Variants in COL19A1 observed in about 807,000 individuals in gnomAD.
COL19A1 encodes the protein collagen type XIX alpha 1 chain.
Under a neutral mutation model 190.2 loss-of-function variants are expected in COL19A1, and 159 were observed. The observed-to-expected ratio is 0.84, with a 90% CI of 0.73 to 0.95. COL19A1 has a LOEUF of 0.95. Ranked by LOEUF, COL19A1 falls within the 40% of genes least tolerant of loss-of-function variation. The pLI, the probability that COL19A1 is intolerant of heterozygous loss-of-function variation, is 0.00. For missense variants in COL19A1, 1,418 were observed against 1,431.9 expected, an observed-to-expected ratio of 0.99 and a Z score of 0.16; for synonymous variants, 509 against 458.9, an observed-to-expected ratio of 1.11 and a Z score of -1.39.
chr6:70,134,511 A>C (rs978575123), intron 18 of COL19A1, among the ~76,000 whole-genome samples: 18 of 152,190 alleles, frequency 1.2e-4, no homozygotes, highest in Non-Finnish European at 1.9e-4. Flanking sequence ...TCAGAGAAAA[A>C]ATAAGCTACA....
chr6:70,170,358 T>C (rs550214618), intron 40 of COL19A1, among the ~76,000 whole-genome samples: 59 of 152,268 alleles, frequency 3.9e-4, no homozygotes, highest in Admixed American at 8.5e-4. Context: ...GAGAAGTCTT[T>C]TTGAGGTTGG....
intron 4 of COL19A1, among the ~76,000 whole-genome samples, chr6:69,927,138 C>G (rs1296175534): frequency 6.6e-6 from 1 of 151,968 alleles, no homozygotes; most frequent in Non-Finnish European, 1.5e-5. Flanking sequence ...TGAAAGGAAA[C>G]TAGACAGTAA....
chr6:69,951,062 A>T (rs1299750822), intron 9 of COL19A1, among the ~76,000 whole-genome samples: 2 of 151,880 alleles, frequency 1.3e-5, no homozygotes, highest in African/African-American at 4.8e-5. Context: ...TTTGCCCTAA[A>T]ATGTTTATTT....
intron 6 of COL19A1, among the ~76,000 whole-genome samples, chr6:69,932,150 T>A (rs1772799298): frequency 1.3e-5 from 2 of 151,982 alleles, no homozygotes; most frequent in Admixed American, 1.3e-4. Context: ...GAACTACAGT[T>A]AATTTCATGT....
intron 47 of COL19A1, among the ~76,000 whole-genome samples, chr6:70,189,969 A>G (rs1270814738): frequency 6.6e-6 from 1 of 152,244 alleles, no homozygotes; most frequent in South Asian, 2.1e-4. Flanking sequence ...GGCTACTAAC[A>G]TCATGTTTAT....
At chr6:70,173,700 GA>G (rs1197507398) in intron 41 of COL19A1, among the ~76,000 whole-genome samples, 2 of 151,864 alleles carry the variant, frequency 1.3e-5, no homozygotes, top group Non-Finnish European at 2.9e-5. Flanking sequence ...AGAGAACGAG[GA>G]AAAAAAATAG....
intron 16 of COL19A1, among the ~76,000 whole-genome samples, chr6:70,120,580 T>C (rs1157275799): frequency 2.0e-5 from 3 of 152,158 alleles, no homozygotes; most frequent in Non-Finnish European, 4.4e-5. Flanking sequence ...GCATGAAAAA[T>C]ATATAATGCC....
intron 3 of COL19A1, 143 bp downstream of exon 3, chr6:69,899,165 ATTTTT>A: frequency 2.1e-5 from 9 of 425,846 alleles, no homozygotes; most frequent in Admixed American, 3.9e-5. Context: ...ATTCTTTTTA[ATTTTT>A]TTTTTTTTTT....
At chr6:69,877,119 T>C (rs1768176139) in intron 1 of COL19A1, among the ~76,000 whole-genome samples, 1 of 152,236 alleles carries the variant, frequency 6.6e-6, no homozygotes, top group Non-Finnish European at 1.5e-5. Flanking sequence ...AATTCTTTTA[T>C]ATTTGACTCT....
chr6:69,917,882 T>A (rs911509417), intron 4 of COL19A1, among the ~76,000 whole-genome samples: 4 of 152,198 alleles, frequency 2.6e-5, no homozygotes, highest in Non-Finnish European at 5.9e-5. Flanking sequence ...AACTTTGTGT[T>A]TGGGCTGCTT....
At position 69,971,923 on chromosome 6, in the gene COL19A1, T is replaced by G. The variant is rs74633094; in HGVS notation, c.1026+9053T>G. Among the ~76,000 whole-genome samples the G allele has an allele frequency of 5.5e-3, 833 of 152,332 alleles. 19 individuals are homozygous for G. In the East Asian group the frequency reaches 0.068, roughly 13 times the overall value. On this transcript the variant is annotated intron_variant, in intron 11 of 50. Coordinates refer to ENST00000620364, the MANE Select transcript of COL19A1 (RefSeq NM_001858.6). ...ATGCATCTTTACAAAACTATTCATG[T>G]GGCTTCTATTTTAAAAACATTTTAG...
chr6:69,962,934 A>G, intron 11 of COL19A1, 64 bp downstream of exon 11: 1 of 1,369,206 alleles, frequency 7.3e-7, no homozygotes, highest in South Asian at 1.3e-5. Flanking sequence ...GTTTTGAAAT[A>G]AAATATTTAA....
chr6:69,931,627 T>G (rs1772764039), intron 6 of COL19A1, among the ~76,000 whole-genome samples: 1 of 152,194 alleles, frequency 6.6e-6, no homozygotes, highest in Admixed American at 6.5e-5. Context: ...TTCATTATAC[T>G]ATGTAAGACG....
intron 14 of COL19A1, among the ~76,000 whole-genome samples, chr6:70,048,504 G>A (rs533528787): frequency 2.0e-5 from 3 of 151,932 alleles, no homozygotes; most frequent in Admixed American, 6.6e-5. Flanking sequence ...GAAAACCTAC[G>A]TGGTTTAAGA....
chr6:70,174,306 G>A (rs574070344), intron 41 of COL19A1, among the ~76,000 whole-genome samples: 5 of 152,248 alleles, frequency 3.3e-5, no homozygotes, highest in South Asian at 4.1e-4. Flanking sequence ...AGTGGCTCAC[G>A]CCTGTAATCC....
intron 15 of COL19A1, 45 bp from the exon 16 acceptor site, chr6:70,102,124 T>A (rs1312966934): frequency 7.1e-7 from 1 of 1,409,216 alleles, no homozygotes; most frequent in African/African-American, 1.4e-5. Flanking sequence ...TATTAAAATA[T>A]AATGGAGTCA....
chr6:69,954,505 G>A (rs1774302085), intron 9 of COL19A1, among the ~76,000 whole-genome samples: 2 of 152,196 alleles, frequency 1.3e-5, no homozygotes, highest in Admixed American at 6.5e-5. Flanking sequence ...CAACACTTCA[G>A]TGAAAGTCCT....
chr6:70,036,912 A>T, intron 14 of COL19A1, among the ~76,000 whole-genome samples: 1 of 152,290 alleles, frequency 6.6e-6, no homozygotes, highest in East Asian at 1.9e-4. Context: ...TAAAAATCCC[A>T]TTATGAAAAA....
At chr6:70,182,612 A>G (rs1428943441) in intron 44 of COL19A1, among the ~76,000 whole-genome samples, 1 of 152,252 alleles carries the variant, frequency 6.6e-6, no homozygotes. Context: ...GAGAGACAGG[A>G]AGAAAATCGG....
Sources: gnomAD v4.1 joint callset for allele counts (sites outside exome capture counted in the v4.1 genomes callset) on GRCh38, gnomAD v4.1.1 for gene constraint, MANE v1.5 for transcripts, NCBI Gene and HGNC (gene_info 2026-07-23, HGNC 2026-07-21) for gene names.